The following PIK3R5 variants were observed in gnomAD, a reference collection of about 807,000 sequenced individuals.
PIK3R5 encodes phosphoinositide 3-kinase regulatory subunit 5.
In PIK3R5, 32 loss-of-function variants were observed where a neutral mutation model predicts 94.9. The ratio of observed to expected loss-of-function variants is 0.34; its 90% CI spans 0.25 to 0.45. The LOEUF is 0.45. Ranked by LOEUF, PIK3R5 falls within the 20% of genes least tolerant of loss-of-function variation. The pLI is 1.00. For missense variants in PIK3R5, 853 were observed against 1,144.6 expected (o/e 0.75, Z 3.68); for synonymous variants, 443 against 479.4 (o/e 0.92, Z 0.99).
intron 1 of PIK3R5, 100 bp downstream of exon 1, chr17:8,965,496 C>T (rs561909135): frequency 6.6e-6 from 1 of 152,418 alleles, no homozygotes; most frequent in South Asian, 2.1e-4. Context: ...GGCGGCTGCT[C>T]GCGGAGCCCA....
rs150903415 is a variant in PIK3R5, at chr17:8,927,652, G to A, written c.-13-16145C>T. On this transcript the variant is annotated intron_variant, in intron 1 of 18. Transcript: ENST00000447110. ...GTAGCTGTAAGGAGGCACTCCTACC[G>A]TTTCTAGCCAGAGACGTATCAGTGG... is the stretch of plus-strand genomic sequence containing the variant. 3.7e-3 allele frequency among the ~76,000 whole-genome samples: 565 copies of A among 152,280 alleles called. 5 individuals are homozygous for A. Among genetic ancestry groups the A allele is most frequent in the African/African-American group, 0.012 (519 of 41,556 alleles).
chr17:8,925,203 G>A lies in PIK3R5; in HGVS notation c.-13-13696C>T, dbSNP rs182889331. 6.4e-4 allele frequency among the ~76,000 whole-genome samples: 96 copies of A among 150,782 alleles called. No individual in the cohort carries two copies. Among genetic ancestry groups the A allele is most frequent in the African/African-American group, 2.1e-3 (88 of 41,184 alleles). The stretch of plus-strand genomic sequence containing the variant: ...TAGATAGATAGACAGAAAGTAGATG[G>A]ATAGATAGATAGATAGTAGATGGAT... On this transcript the variant is annotated intron_variant, in intron 1 of 18. Coordinates refer to ENST00000447110, the MANE Select transcript of PIK3R5 (RefSeq NM_001142633.3). The surrounding 1 kb of genome is among the most constrained non-coding windows in gnomAD (Gnocchi z 5.1).
At chr17:8,924,020 A>G (rs2151432061) in intron 1 of PIK3R5, among the ~76,000 whole-genome samples, 1 of 118,796 alleles carries the variant, frequency 8.4e-6, no homozygotes, top group South Asian at 2.9e-4. Context: ...CAGTTGTGAC[A>G]TTGCAGCCTT....
intron 3 of PIK3R5, among the ~76,000 whole-genome samples, chr17:8,907,838 A>G (rs1567648334): frequency 6.6e-6 from 1 of 151,912 alleles, no homozygotes; most frequent in Admixed American, 6.6e-5. Flanking sequence ...AGGTCTTGCT[A>G]TGTTGCCCAG....
At chr17:8,957,390 A>C (rs1295395160) in intron 1 of PIK3R5, among the ~76,000 whole-genome samples, 1 of 152,176 alleles carries the variant, frequency 6.6e-6, no homozygotes, top group East Asian at 1.9e-4. Context: ...CCAGAGAATG[A>C]CACCCAGTTG....
In PIK3R5 at chr17:8,896,934, GT is replaced by G. The variant is rs569519906; in HGVS notation, c.413-3280del. On this transcript the variant is annotated intron_variant, in intron 5 of 18. Transcript: ENST00000447110. This position sits in a 1 kb window ranked among gnomAD's most constrained non-coding sequence, Gnocchi z 4.0. ...CAATCTCCAAATGAGACTAGATCAG[GT>G]TTGGTTCTCCAGCAACTATGATTAA... 3.5e-4 allele frequency among the ~76,000 whole-genome samples: 54 copies of G among 152,318 alleles called. 1 individual carries two copies. In the East Asian group the frequency reaches 0.01, roughly 28 times the overall value.
intron 1 of PIK3R5, among the ~76,000 whole-genome samples, chr17:8,913,861 A>G (rs1466166222): frequency 6.6e-6 from 1 of 152,200 alleles, no homozygotes; most frequent in Non-Finnish European, 1.5e-5. Context: ...ACACCTCCAC[A>G]GGTAGCTCAG....
In PIK3R5 at chr17:8,904,649, C is replaced by G; in HGVS notation, c.412+128G>C. 1 of 875,770 alleles carries G rather than the reference C, an allele frequency of 1.1e-6. No homozygotes were observed. Among genetic ancestry groups the G allele is most frequent in the Non-Finnish European group, 1.8e-6 (1 of 556,804 alleles). The allele number at this position is 875,770 out of a possible 1,614,324, so 54.2% of individuals were successfully genotyped here. On this transcript the variant is annotated intron_variant, in intron 5 of 18. Coordinates refer to ENST00000447110, the MANE Select transcript of PIK3R5 (RefSeq NM_001142633.3). The surrounding 1 kb of genome is among the most constrained non-coding windows in gnomAD (Gnocchi z 5.1). ...GAAGAGGAGACTCCATGTTTGTGAA[C>G]CAAGGCGTTGGCAGAGATGAATCAA...
intron 1 of PIK3R5, among the ~76,000 whole-genome samples, chr17:8,930,557 A>C (rs2090970064): frequency 6.6e-6 from 1 of 152,222 alleles, no homozygotes; most frequent in South Asian, 2.1e-4. Flanking sequence ...GTTCATACGA[A>C]AACCTGTACA....
Position 8,884,623 on chromosome 17 carries a change from GA to G in PIK3R5, c.2205+83del, listed in dbSNP as rs138036470. The G allele has an allele frequency of 2.7e-3, 2,876 of 1,075,882 alleles. 50 individuals are homozygous for G. The African/African-American group carries it at 0.038, about 14-fold the overall frequency. 66.6% of individuals were successfully genotyped at this position (1,075,882 alleles called of 1,614,324 possible). ...TAAAGACTGGGGCCCAGGAACACAC[GA>G]GTCCAGCTCTGGGTCCAAGCTCTGG... On this transcript the variant is annotated intron_variant, in intron 15 of 18. Transcript: ENST00000447110. This position sits in a 1 kb window ranked among gnomAD's most constrained non-coding sequence, Gnocchi z 5.8.
At chr17:8,899,011 C>A (rs1233550857) in intron 5 of PIK3R5, among the ~76,000 whole-genome samples, 1 of 152,210 alleles carries the variant, frequency 6.6e-6, no homozygotes, top group Non-Finnish European at 1.5e-5. Flanking sequence ...ATGTAAGATG[C>A]CCCATGTCAT....
chr17:8,899,412 A>G (rs921650251), intron 5 of PIK3R5, among the ~76,000 whole-genome samples: 3 of 152,172 alleles, frequency 2.0e-5, no homozygotes, highest in African/African-American at 7.2e-5. Context: ...TTCTAAGCTA[A>G]CACCACTGCA....
Position 8,959,784 on chromosome 17 carries a change from G to A in PIK3R5, c.-14+5812C>T, listed in dbSNP as rs557904014. On this transcript the variant is annotated intron_variant, in intron 1 of 18. Transcript: ENST00000447110. The stretch of plus-strand genomic sequence containing the variant: ...GAAGAAGGATATGGGAGCTGGACAA[G>A]TGACTTCCTAGATGAGACAGACAAT... Among the ~76,000 whole-genome samples, 5 of 152,358 alleles carry A rather than the reference G, an allele frequency of 3.3e-5. No individual in the cohort carries two copies. In the South Asian group the frequency reaches 8.3e-4, roughly 25 times the overall value.
intron 1 of PIK3R5, among the ~76,000 whole-genome samples, chr17:8,917,782 C>A (rs780361713): frequency 6.6e-6 from 1 of 152,130 alleles, no homozygotes; most frequent in Non-Finnish European, 1.5e-5. Flanking sequence ...AGAAGAATTG[C>A]TTGTACCCAG....
intron 1 of PIK3R5, among the ~76,000 whole-genome samples, chr17:8,913,800 C>A (rs865838948): frequency 6.6e-5 from 10 of 152,208 alleles, no homozygotes; most frequent in Non-Finnish European, 8.8e-5. Context: ...CCAAAGACAT[C>A]CTGAGGCCCT....
rs568921487 is a variant in PIK3R5 at position 8,908,970 on chromosome 17, C to G, written c.204+104G>C. On this transcript the variant is annotated intron_variant, in intron 3 of 18. Coordinates refer to ENST00000447110, the MANE Select transcript of PIK3R5 (RefSeq NM_001142633.3). ...AGGTTCCCAGGGCCTTTGCCCAGCCCCTCTGGAGGTCCAGGCACCCAGGAA... is the reference window on the plus strand; with the variant it reads ...AGGTTCCCAGGGCCTTTGCCCAGCCGCTCTGGAGGTCCAGGCACCCAGGAA... 113 of 706,982 alleles carry G rather than the reference C, an allele frequency of 1.6e-4. 1 individual carries two copies. In the East Asian group the frequency reaches 3.1e-3, roughly 19 times the overall value. The allele number at this position is 706,982 out of a possible 1,614,324, so 43.8% of individuals were successfully genotyped here.
Position 8,884,583 on chromosome 17 carries a change from T to C in PIK3R5, c.2205+124A>G. 2 of 721,806 alleles carry C rather than the reference T, an allele frequency of 2.8e-6. No homozygotes were observed. Among genetic ancestry groups the C allele is most frequent in the Non-Finnish European group, 4.8e-6 (2 of 412,418 alleles). The allele number at this position is 721,806 out of a possible 1,614,324, so 44.7% of individuals were successfully genotyped here. ...TCTCTCAGCATCCAGGGGAGCCTGC[T>C]GCAGCCTTCCAGCGTAAAGACTGGG... On this transcript the variant is annotated intron_variant, in intron 15 of 18. Coordinates refer to ENST00000447110, the MANE Select transcript of PIK3R5 (RefSeq NM_001142633.3). The surrounding 1 kb of genome is among the most constrained non-coding windows in gnomAD (Gnocchi z 5.8).
Position 8,893,579 on chromosome 17 carries a change from C to T in PIK3R5, c.482+7G>A, listed in dbSNP as rs757715776. On this transcript the variant is annotated splice_region_variant and intron_variant, in intron 6 of 18. Transcript: ENST00000447110. This position sits in a 1 kb window ranked among gnomAD's most constrained non-coding sequence, Gnocchi z 5.1. ...CCACTGTTTCTCCGTCCCCCAAGAG[C>T]ACTCACACGGTGGAGCTGCGGTGAC... 6.2e-7 allele frequency: 1 copy of T among 1,611,816 alleles called. No individual in the cohort carries two copies. The highest frequency in any genetic ancestry group is 2.2e-5 in the East Asian group (1 of 44,872).
rs1404894509 is a variant in PIK3R5 at position 8,886,289 on chromosome 17, T to C, written c.2068A>G (p.Ile690Val). ...CCCAGCTCCAAGGAGTGGATGAAGA[T>C]CTCTGTCGTCTTCTCCCCAGTGATG... ...TFITGEKTTE[I>V]FIHSLELGHS... Residue 690 changes from isoleucine (I) to valine (V), a missense_variant, in exon 14 of 19, where the codon ATC becomes GTC. By Grantham distance (29) the Ile-to-Val change is conservative. Transcript: ENST00000447110. 6.2e-7 allele frequency: 1 copy of C among 1,613,682 alleles called. No individual in the cohort carries two copies. Among genetic ancestry groups the C allele is most frequent in the South Asian group, 1.1e-5 (1 of 91,070 alleles).
Sources: allele counts gnomAD v4.1 joint callset (sites outside exome capture counted in the v4.1 genomes callset), GRCh38; gene constraint gnomAD v4.1.1; non-coding constraint Gnocchi (gnomAD v3.1); transcripts MANE v1.5; gene names NCBI Gene and HGNC (gene_info 2026-07-23, HGNC 2026-07-21).